Variants in SLC1A1 observed in about 807,000 individuals in gnomAD.
SLC1A1 encodes the protein excitatory amino acid transporter 3.
Under a neutral mutation model 53.3 loss-of-function variants are expected in SLC1A1, and 43 were observed. The observed-to-expected ratio is 0.81, with a 90% CI of 0.63 to 1.04. The LOEUF (loss-of-function observed/expected upper bound fraction) is 1.04, where lower values mean the gene tolerates loss of function less well. SLC1A1 is among the 50% of genes least tolerant of loss of function. SLC1A1 has a pLI of 0.00. For missense variants in SLC1A1, 748 were observed against 664.9 expected (o/e 1.12, Z -1.37); for synonymous variants, 307 against 243.2 (o/e 1.26, Z -2.44).
chr9:4,537,144 GTAAC>G (rs1816704713), intron 1 of SLC1A1, among the ~76,000 whole-genome samples: 1 of 151,870 alleles, frequency 6.6e-6, no homozygotes, highest in Admixed American at 6.6e-5. Context: ...GTATACACAT[GTAAC>G]TAACCTGCAC....
At chr9:4,511,658 G>C (rs1053647076) in intron 1 of SLC1A1, among the ~76,000 whole-genome samples, 1 of 151,556 alleles carries the variant, frequency 6.6e-6, no homozygotes, top group African/African-American at 2.4e-5. Flanking sequence ...CCCCCTAAGA[G>C]CAGGAATAAG....
rs554665990 is a variant in SLC1A1 at position 4,556,355 on chromosome 9, T to C, written c.233-5094T>C. Among the ~76,000 whole-genome samples the C allele has an allele frequency of 1.2e-3, 177 of 152,308 alleles. No individual in the cohort carries two copies. The highest frequency in any genetic ancestry group is 4.1e-3 in the African/African-American group (171 of 41,568). ...ATTATTACATTCAACAGAAATAAAG[T>C]TACTGTCCAATTACTATAAACATTT... is the stretch of plus-strand genomic sequence containing the variant. On this transcript the variant is annotated intron_variant, in intron 2 of 11. Coordinates refer to ENST00000262352, the MANE Select transcript of SLC1A1 (RefSeq NM_004170.6). This position sits in a 1 kb window ranked among gnomAD's most constrained non-coding sequence, Gnocchi z 4.1.
intron 1 of SLC1A1, among the ~76,000 whole-genome samples, chr9:4,492,078 A>G (rs1343798283): frequency 6.6e-6 from 1 of 152,232 alleles, no homozygotes; most frequent in Non-Finnish European, 1.5e-5. Flanking sequence ...GGCTATTTGT[A>G]GGAGGAAAGG....
chr9:4,573,991 T>C lies in SLC1A1; in HGVS notation c.852T>C (p.Leu284=). 1 of 1,612,640 alleles carries C rather than the reference T, an allele frequency of 6.2e-7. No homozygotes were observed. Among genetic ancestry groups the C allele is most frequent in the Non-Finnish European group, 8.5e-7 (1 of 1,178,596 alleles). ...EDWEIFRKLG[L]YMATVLTGLA... is the part of the protein sequence containing the mutation. The stretch of plus-strand genomic sequence containing the variant: ...GGGAAATATTCCGCAAGCTGGGCCT[T>C]TACATGGCCACAGTCCTGACTGGGT... The change falls in exon 8 of 12, where the codon CTT becomes CTC. Residue 284 remains leucine, a synonymous_variant. Coordinates refer to ENST00000262352, the MANE Select transcript of SLC1A1 (RefSeq NM_004170.6).
intron 1 of SLC1A1, among the ~76,000 whole-genome samples, chr9:4,500,800 G>A (rs933416558): frequency 7.9e-5 from 12 of 152,164 alleles, no homozygotes; most frequent in Non-Finnish European, 1.6e-4. Flanking sequence ...TCTGCTGACT[G>A]CCTGTTCCGT....
At chr9:4,509,967 G>A (rs150779320) in intron 1 of SLC1A1, among the ~76,000 whole-genome samples, 4,697 of 152,264 alleles carry the variant, frequency 0.031, 106 homozygotes, top group Middle Eastern at 0.071. Flanking sequence ...CCAAGTAGCT[G>A]GGATTACAGG....
rs1462808107 is a variant in SLC1A1, at chr9:4,583,190, C to T, written c.1328+18C>T. ...TGGCTCCTGTGAGTTGGAATAAATG[C>T]ACTGCCTTAGCTGGATGTGCAGGCG... On this transcript the variant is annotated intron_variant, in intron 11 of 11. Coordinates refer to ENST00000262352, the MANE Select transcript of SLC1A1 (RefSeq NM_004170.6). The surrounding 1 kb of genome is among the most constrained non-coding windows in gnomAD (Gnocchi z 4.6). 1 of 1,614,034 alleles carries T rather than the reference C, an allele frequency of 6.2e-7. No homozygotes were observed. Among genetic ancestry groups the T allele is most frequent in the Admixed American group, 1.7e-5 (1 of 60,014 alleles).
chr9:4,542,275 A>G (rs1040456708), intron 1 of SLC1A1, among the ~76,000 whole-genome samples: 1 of 152,198 alleles, frequency 6.6e-6, no homozygotes, highest in Non-Finnish European at 1.5e-5. Context: ...GAAAGTTGTA[A>G]TTGCCAAATA....
intron 10 of SLC1A1, 72 bp downstream of exon 10, chr9:4,576,835 G>A: frequency 7.3e-7 from 1 of 1,378,858 alleles, no homozygotes; most frequent in East Asian, 2.3e-5. Flanking sequence ...GTCCATGAAG[G>A]GACACCAAGA....
chr9:4,518,234 C>CAAAAAAAAAAAAAAA (rs34559140), intron 1 of SLC1A1, among the ~76,000 whole-genome samples: 1 of 60,432 alleles, frequency 1.7e-5, no homozygotes, highest in Admixed American at 2.5e-4. Flanking sequence ...TATTCCACCT[C>CAAAAAAAAAAAAAAA]AAAAAAAAAA....
chr9:4,558,951 G>C (rs1288057457), intron 2 of SLC1A1, among the ~76,000 whole-genome samples: 1 of 152,108 alleles, frequency 6.6e-6, no homozygotes, highest in Non-Finnish European at 1.5e-5. Context: ...AATTATTACA[G>C]TTATCAAAAC....
rs145740626 is a variant in SLC1A1, at chr9:4,565,212, T to A, written c.440+754T>A. Among the ~76,000 whole-genome samples, 1,088 of 152,318 alleles carry A rather than the reference T, an allele frequency of 7.1e-3. 16 individuals are homozygous for A. Among genetic ancestry groups the A allele is most frequent in the African/African-American group, 0.024 (1,016 of 41,564 alleles). On this transcript the variant is annotated intron_variant, in intron 4 of 11. Transcript: ENST00000262352. Reference sequence around the variant, plus strand: ...AGTTTCCAGGTATGTGGCTTAGATTTTATAGAAACCATACCTTCTTTTTAT... The same window carrying A: ...AGTTTCCAGGTATGTGGCTTAGATTATATAGAAACCATACCTTCTTTTTAT...
At position 4,583,815 on chromosome 9, in the gene SLC1A1, A is replaced by G. The variant is rs1355736630; in HGVS notation, c.1328+643A>G. ...AATGGCAAGTTTTATTGTTATGATTAGAATGAGTTGGACCATTCAGGCCCC... is the reference window on the plus strand; with the variant it reads ...AATGGCAAGTTTTATTGTTATGATTGGAATGAGTTGGACCATTCAGGCCCC... On this transcript the variant is annotated intron_variant, in intron 11 of 11. Coordinates refer to ENST00000262352, the MANE Select transcript of SLC1A1 (RefSeq NM_004170.6). This position sits in a 1 kb window ranked among gnomAD's most constrained non-coding sequence, Gnocchi z 4.6. Among the ~76,000 whole-genome samples, 1 of 151,750 alleles carries G rather than the reference A, an allele frequency of 6.6e-6. No individual in the cohort carries two copies. The highest frequency in any genetic ancestry group is 1.9e-4 in the East Asian group (1 of 5,190).
At chr9:4,546,422 T>C (rs1369344920) in intron 2 of SLC1A1, among the ~76,000 whole-genome samples, 1 of 152,038 alleles carries the variant, frequency 6.6e-6, no homozygotes, top group Non-Finnish European at 1.5e-5. Context: ...ATTGCTGGCT[T>C]TCTCTGAAAA....
At chr9:4,539,946 G>T (rs1347821138) in intron 1 of SLC1A1, among the ~76,000 whole-genome samples, 1 of 152,216 alleles carries the variant, frequency 6.6e-6, no homozygotes, top group Non-Finnish European at 1.5e-5. Flanking sequence ...CTGGGCAGAA[G>T]AGGGCAGTCC....
rs1392299660 is a variant in SLC1A1, at chr9:4,549,186, T to C, written c.232+4479T>C. On this transcript the variant is annotated intron_variant, in intron 2 of 11. Transcript: ENST00000262352. This position sits in a 1 kb window ranked among gnomAD's most constrained non-coding sequence, Gnocchi z 4.1. Reference sequence around the variant, plus strand: ...AGGTCCCCTGAGCATCCTTCCCGGATGCTCATAACTTTGCTCAGGAAGAGG... The same window carrying C: ...AGGTCCCCTGAGCATCCTTCCCGGACGCTCATAACTTTGCTCAGGAAGAGG... Among the ~76,000 whole-genome samples, 1 of 152,148 alleles carries C rather than the reference T, an allele frequency of 6.6e-6. No individual in the cohort carries two copies. The highest frequency in any genetic ancestry group is 1.5e-5 in the Non-Finnish European group (1 of 68,016).
intron 1 of SLC1A1, among the ~76,000 whole-genome samples, chr9:4,494,294 ATATTACT>A (rs71326113): frequency 0.34 from 51,098 of 151,524 alleles, 9,914 homozygotes; most frequent in East Asian, 0.48. Flanking sequence ...GAAATTGGAG[ATATTACT>A]TATTACTTCG....
chr9:4,568,313 G>A lies in SLC1A1; in HGVS notation c.582+546G>A, dbSNP rs143037697. On this transcript the variant is annotated intron_variant, in intron 6 of 11. Coordinates refer to ENST00000262352, the MANE Select transcript of SLC1A1 (RefSeq NM_004170.6). ...CACACCTATTGTCCCAGCTACTCGG[G>A]AGGCTGAAGTGGGAGGATTGCTTGT... Among the ~76,000 whole-genome samples the A allele has an allele frequency of 6.5e-3, 991 of 152,094 alleles. 11 individuals are homozygous for A. Among genetic ancestry groups the A allele is most frequent in the Middle Eastern group, 0.041 (12 of 294 alleles).
At chr9:4,514,363 G>A (rs561485195) in intron 1 of SLC1A1, among the ~76,000 whole-genome samples, 4 of 152,128 alleles carry the variant, frequency 2.6e-5, no homozygotes, top group African/African-American at 4.8e-5. Context: ...TTCCCATTGA[G>A]GATATCTGAC....
Sources: gnomAD v4.1 joint callset for allele counts (sites outside exome capture counted in the v4.1 genomes callset) on GRCh38, gnomAD v4.1.1 for gene constraint, Gnocchi (gnomAD v3.1) non-coding constraint, MANE v1.5 for transcripts, NCBI Gene and HGNC (gene_info 2026-07-23, HGNC 2026-07-21) for gene names.